Variants in SUCLG1 observed in about 807,000 individuals in gnomAD.
The protein encoded by SUCLG1 is succinate-CoA ligase GDP/ADP-forming subunit alpha.
A neutral mutation model predicts 37.3 loss-of-function variants in SUCLG1; 26 were observed. That is an observed-to-expected ratio of 0.70 (90% CI 0.51 to 0.97). The LOEUF is 0.97. Ranked by LOEUF, SUCLG1 falls within the 50% of genes least tolerant of loss-of-function variation. The pLI is 0.00. For missense variants in SUCLG1, 433 were observed against 432.9 expected, an observed-to-expected ratio of 1.00 and a Z score of 0.00; for synonymous variants, 163 against 155.6, an observed-to-expected ratio of 1.05 and a Z score of -0.36.
chr2:84,440,485 G>A (rs1672751620), intron 5 of SUCLG1, among the ~76,000 whole-genome samples: 1 of 152,136 alleles, frequency 6.6e-6, no homozygotes, highest in African/African-American at 2.4e-5. Context: ...AGAACTATTT[G>A]GCAGTTTCTT....
In SUCLG1 at chr2:84,433,400, C is replaced by T; in HGVS notation, c.625G>A (p.Ala209Thr). Residue 209 changes from alanine to threonine, a missense_variant, in exon 6 of 9, where the codon GCA (alanine) becomes ACA (threonine). Transcript: ENST00000393868. Reference sequence around the variant, plus strand: ...CCAACTTGCGTTGTTTGGTGAACTGCTTCATAAGTCAGGGTGCCAGATCTG... The same window carrying T: ...CCAACTTGCGTTGTTTGGTGAACTGTTTCATAAGTCAGGGTGCCAGATCTG... Reference protein sequence around the residue: ...VSRSGTLTYEAVHQTTQVGLG... With the variant: ...VSRSGTLTYETVHQTTQVGLG... The T allele has an allele frequency of 1.9e-6, 3 of 1,613,936 alleles. No homozygotes were observed. The highest frequency in any genetic ancestry group is 2.5e-6 in the Non-Finnish European group (3 of 1,179,878).
chr2:84,433,654 T>C (rs1055172428), intron 5 of SUCLG1: 1 of 568,078 alleles, frequency 1.8e-6, no homozygotes, highest in African/African-American at 1.9e-5. Context: ...AGAAAGTATA[T>C]TATTAGTTAA....
intron 2 of SUCLG1, among the ~76,000 whole-genome samples, chr2:84,447,261 A>G: frequency 6.6e-6 from 1 of 151,958 alleles, no homozygotes; most frequent in Non-Finnish European, 1.5e-5. Context: ...AATGAATCTG[A>G]ATCAACAAAC....
At chr2:84,446,334 T>C (rs979481555) in intron 2 of SUCLG1, among the ~76,000 whole-genome samples, 1 of 152,236 alleles carries the variant, frequency 6.6e-6, no homozygotes, top group East Asian at 1.9e-4. Flanking sequence ...ACTTTGTTCA[T>C]TGCAATATGA....
intron 5 of SUCLG1, among the ~76,000 whole-genome samples, chr2:84,434,895 A>T (rs570121552): frequency 6.6e-6 from 1 of 152,258 alleles, no homozygotes; most frequent in Non-Finnish European, 1.5e-5. Context: ...CAGGTTCTAC[A>T]TACCAAATTC....
chr2:84,452,594 A>T (rs1331815097), intron 1 of SUCLG1, among the ~76,000 whole-genome samples: 1 of 152,112 alleles, frequency 6.6e-6, no homozygotes, highest in African/African-American at 2.4e-5. Context: ...TACAATAAAC[A>T]CCATCACACA....
intron 1 of SUCLG1, among the ~76,000 whole-genome samples, chr2:84,452,629 TCTTA>T (rs1299833716): frequency 6.6e-6 from 1 of 152,062 alleles, no homozygotes; most frequent in Non-Finnish European, 1.5e-5. Context: ...GCACACATAT[TCTTA>T]CTCTTTTCAT....
Position 84,441,420 on chromosome 2 carries a change from C to T in SUCLG1, c.358G>A (p.Val120Ile), listed in dbSNP as rs753567873. 2 of 1,614,120 alleles carry T rather than the reference C, an allele frequency of 1.2e-6. No individual in the cohort carries two copies. The highest frequency in any genetic ancestry group is 2.2e-5 in the East Asian group (1 of 44,886). ...GCAGCAGCAGCAAAAGGCGGAGGAA[C>T]ATAAATGACAGAAGCCGTTGCTCCT... is the stretch of plus-strand genomic sequence containing the variant. ...QTGATASVIY[V>I]PPPFAAAAIN... The change falls in exon 4 of 9, where the codon GTT becomes ATT. Residue 120 changes from valine to isoleucine, a missense_variant. Transcript: ENST00000393868.
At chr2:84,429,513 A>C (rs1352805723) in intron 7 of SUCLG1, among the ~76,000 whole-genome samples, 1 of 152,162 alleles carries the variant, frequency 6.6e-6, no homozygotes, top group Non-Finnish European at 1.5e-5. Flanking sequence ...GGGACTGGGC[A>C]GGGCACTGAA....
intron 2 of SUCLG1, among the ~76,000 whole-genome samples, chr2:84,447,013 T>G (rs962928648): frequency 1.3e-5 from 2 of 152,312 alleles, no homozygotes; most frequent in Non-Finnish European, 2.9e-5. Flanking sequence ...AGTTTTACCA[T>G]CATCACCAGC....
chr2:84,441,110 A>T lies in SUCLG1; in HGVS notation c.532-6T>A. ...CCAATTTTACATTCTCCAGGCTGAA[A>T]GTAATCATAGTTTTCAGAAATGTTA... On this transcript the variant is annotated splice_polypyrimidine_tract_variant and splice_region_variant and intron_variant, in intron 4 of 8. Transcript: ENST00000393868. The T allele has an allele frequency of 6.2e-7, 1 of 1,614,084 alleles. No individual in the cohort carries two copies. The highest frequency in any genetic ancestry group is 8.5e-7 in the Non-Finnish European group (1 of 1,180,000).
chr2:84,432,115 C>A (rs906687541), intron 6 of SUCLG1, among the ~76,000 whole-genome samples: 1 of 151,958 alleles, frequency 6.6e-6, no homozygotes, highest in Non-Finnish European at 1.5e-5. Context: ...GATAAATCAC[C>A]CACAAGTTTT....
At chr2:84,429,097 G>A (rs771461009) in intron 7 of SUCLG1, among the ~76,000 whole-genome samples, 5 of 152,144 alleles carry the variant, frequency 3.3e-5, no homozygotes, top group Non-Finnish European at 7.3e-5. Context: ...CATGTTTATC[G>A]AGTGTTTACA....
intron 1 of SUCLG1, among the ~76,000 whole-genome samples, chr2:84,453,653 G>C (rs982547805): frequency 6.6e-6 from 1 of 152,170 alleles, no homozygotes; most frequent in African/African-American, 2.4e-5. Context: ...CTGACCTCAA[G>C]TGATCCGCCT....
chr2:84,443,266 T>C lies in SUCLG1; in HGVS notation c.318+18A>G. 1 of 1,600,538 alleles carries C rather than the reference T, an allele frequency of 6.2e-7. No individual in the cohort carries two copies. Among genetic ancestry groups the C allele is most frequent in the East Asian group, 2.2e-5 (1 of 44,796 alleles). The stretch of plus-strand genomic sequence containing the variant: ...CCTTGCTTTTCTTGTCTTGCCAAAC[T>C]CAGGTACCACTAATTACCTCCTTCA... On this transcript the variant is annotated intron_variant, in intron 3 of 8. Coordinates refer to ENST00000393868, the MANE Select transcript of SUCLG1 (RefSeq NM_003849.4).
chr2:84,440,224 T>C (rs1428100026), intron 5 of SUCLG1, among the ~76,000 whole-genome samples: 1 of 152,004 alleles, frequency 6.6e-6, no homozygotes, highest in Non-Finnish European at 1.5e-5. Flanking sequence ...AAATACAAAA[T>C]TAGCTGGGCG....
intron 7 of SUCLG1, among the ~76,000 whole-genome samples, chr2:84,429,627 C>T (rs1206870162): frequency 6.6e-6 from 1 of 152,022 alleles, no homozygotes; most frequent in Non-Finnish European, 1.5e-5. Flanking sequence ...TGAAAACTGG[C>T]ATGTCAGATG....
At chr2:84,442,662 A>G (rs1672793161) in intron 3 of SUCLG1, among the ~76,000 whole-genome samples, 3 of 152,232 alleles carry the variant, frequency 2.0e-5, no homozygotes, top group African/African-American at 7.2e-5. Context: ...CAAATAATAA[A>G]ATTTAATTTA....
chr2:84,454,841 A>T (rs1054942616), intron 1 of SUCLG1, among the ~76,000 whole-genome samples: 1 of 152,060 alleles, frequency 6.6e-6, no homozygotes, highest in Non-Finnish European at 1.5e-5. Context: ...CCCAGGAGAG[A>T]CTCAAACCAT....
Sources: allele counts gnomAD v4.1 joint callset (sites outside exome capture counted in the v4.1 genomes callset), GRCh38; gene constraint gnomAD v4.1.1; transcripts MANE v1.5; gene names NCBI Gene and HGNC (gene_info 2026-07-23, HGNC 2026-07-21).